RNF8: variants seen among roughly 807,000 people sequenced by gnomAD.
RNF8 encodes E3 ubiquitin-protein ligase RNF8.
RNF8 carries 8 observed loss-of-function variants against 59.3 expected under a neutral mutation model. That is an observed-to-expected ratio of 0.13 (90% CI 0.08 to 0.24). RNF8 has a LOEUF of 0.24. Ranked by LOEUF, RNF8 falls within the 10% of genes least tolerant of loss-of-function variation. The probability of loss-of-function intolerance (pLI) is 1.00; values close to 1 mark genes in which losing one functional copy is unlikely to be tolerated. For missense variants in RNF8, 406 were observed against 572.6 expected, an observed-to-expected ratio of 0.71 and a Z score of 2.97; for synonymous variants, 162 against 200.0, an observed-to-expected ratio of 0.81 and a Z score of 1.60.
chr6:37,385,304 C>T (rs940102529), intron 7 of RNF8, among the ~76,000 whole-genome samples: 6 of 151,554 alleles, frequency 4.0e-5, no homozygotes, highest in Non-Finnish European at 7.4e-5. Flanking sequence ...TGAGCCACCG[C>T]GCCTGGCTCT....
chr6:37,389,643 A>C (rs1770647399), intron 7 of RNF8, among the ~76,000 whole-genome samples: 1 of 151,994 alleles, frequency 6.6e-6, no homozygotes, highest in Admixed American at 6.6e-5. Flanking sequence ...CTCAGAAAGC[A>C]ATTAGTCTTT....
intron 3 of RNF8, 84 bp from the exon 4 acceptor site, chr6:37,371,428 T>C: frequency 9.2e-7 from 1 of 1,090,976 alleles, no homozygotes; most frequent in Non-Finnish European, 1.4e-6. Context: ...TCATACTAGC[T>C]GGTCTGCTCT....
chr6:37,368,478 C>G lies in RNF8; in HGVS notation c.241-6C>G. 1 of 1,614,106 alleles carries G rather than the reference C, an allele frequency of 6.2e-7. No individual in the cohort carries two copies. Among genetic ancestry groups the G allele is most frequent in the Non-Finnish European group, 8.5e-7 (1 of 1,179,998 alleles). On this transcript the variant is annotated splice_region_variant and splice_polypyrimidine_tract_variant and intron_variant, in intron 2 of 7. Coordinates refer to ENST00000373479, the MANE Select transcript of RNF8 (RefSeq NM_003958.4). ...GCTTATTTCTTCTTTCTTTCACTTT[C>G]CCCAGAGTCTAAATGGTGTTTGGCT...
intron 7 of RNF8, among the ~76,000 whole-genome samples, chr6:37,387,938 T>C (rs1770580264): frequency 6.6e-6 from 1 of 152,118 alleles, no homozygotes. Flanking sequence ...GCATTCAGCC[T>C]GGAAAAGTTG....
rs1490279084 is a variant in RNF8, at chr6:37,360,603, TTTTA to T, written c.240+33_240+36del. 3 of 1,567,692 alleles carry T rather than the reference TTTTA, an allele frequency of 1.9e-6. No homozygotes were observed. Among genetic ancestry groups the T allele is most frequent in the Middle Eastern group, 1.7e-4 (1 of 5,864 alleles). On this transcript the variant is annotated intron_variant, in intron 2 of 7. Coordinates refer to ENST00000373479, the MANE Select transcript of RNF8 (RefSeq NM_003958.4). The surrounding 1 kb of genome is among the most constrained non-coding windows in gnomAD (Gnocchi z 4.2). ...CAGGAATTCACAGAAGCCTAATGACTTTTATTTGTTTTTAAATTACTTTTTTTTT... is the reference window on the plus strand; with the variant it reads ...CAGGAATTCACAGAAGCCTAATGACTTTTGTTTTTAAATTACTTTTTTTTT...
rs946777226 is a variant in RNF8 at position 37,390,931 on chromosome 6, C to T, written c.*173C>T. 2.7e-5 allele frequency: 28 copies of T among 1,037,912 alleles called. No homozygotes were observed. In the African/African-American group the frequency reaches 4.1e-4, roughly 15 times the overall value. The allele number at this position is 1,037,912 out of a possible 1,614,324, so 64.3% of individuals were successfully genotyped here. On this transcript the variant is annotated 3_prime_UTR_variant, in exon 8 of 8. Transcript: ENST00000373479. The stretch of plus-strand genomic sequence containing the variant: ...CACTTGCCTTCCACGGTGGCCAGCC[C>T]TGCTGCCATCATTGGCTGAAGCACC...
At chr6:37,376,170 T>C (rs532187724) in intron 5 of RNF8, among the ~76,000 whole-genome samples, 1 of 152,342 alleles carries the variant, frequency 6.6e-6, no homozygotes, top group South Asian at 2.1e-4. Context: ...CAGTGAGTTT[T>C]TAATTGTTTG....
rs774755878 is a variant in RNF8 at position 37,374,652 on chromosome 6, C to A, written c.1071C>A (p.Ser357Arg). ...CTCTAATGGAAGAGCTAAATCGCAGCAAGAAGGACTTTGAAGCAATCATTC... is the reference window on the plus strand; with the variant it reads ...CTCTAATGGAAGAGCTAAATCGCAGAAAGAAGGACTTTGAAGCAATCATTC... The part of the protein sequence containing the change: ...HWALMEELNR[S>R]KKDFEAIIQA... Residue 357 changes from serine to arginine, a missense_variant, in exon 5 of 8, where the codon AGC becomes AGA. Around this residue, in one of 3 missense-constraint regions of RNF8, gnomAD observed 285 missense variants for 342.0 expected, o/e 0.83. Coordinates refer to ENST00000373479, the MANE Select transcript of RNF8 (RefSeq NM_003958.4). The A allele has an allele frequency of 1.9e-6, 3 of 1,614,024 alleles. No individual in the cohort carries two copies. The highest frequency in any genetic ancestry group is 2.5e-6 in the Non-Finnish European group (3 of 1,179,994).
intron 7 of RNF8, among the ~76,000 whole-genome samples, chr6:37,387,906 A>G (rs1377663673): frequency 1.3e-5 from 2 of 152,240 alleles, no homozygotes; most frequent in Non-Finnish European, 2.9e-5. Flanking sequence ...AGAGAAGTAC[A>G]GAGTGCTAGA....
At chr6:37,355,040 C>G (rs1769062638) in intron 1 of RNF8, among the ~76,000 whole-genome samples, 1 of 152,162 alleles carries the variant, frequency 6.6e-6, no homozygotes, top group African/African-American at 2.4e-5. Flanking sequence ...ATTCAGAGTT[C>G]TCTCCAGAGG....
chr6:37,354,627 C>T (rs1040186757), intron 1 of RNF8, among the ~76,000 whole-genome samples: 1 of 151,602 alleles, frequency 6.6e-6, no homozygotes, highest in African/African-American at 2.4e-5. Context: ...AAGCGGGCCC[C>T]GTCCAGAGAG....
chr6:37,360,558 C>T lies in RNF8; in HGVS notation c.224C>T (p.Thr75Ile). 6.2e-7 allele frequency: 1 copy of T among 1,612,818 alleles called. No homozygotes were observed. Residue 75 changes from threonine to isoleucine, a missense_variant, in exon 2 of 8, where the codon ACA (threonine) becomes ATA (isoleucine). Transcript: ENST00000373479. This position sits in a 1 kb window ranked among gnomAD's most constrained non-coding sequence, Gnocchi z 4.2. ...VLKQNPEGQWTIMDNKSLNGV... is the reference protein window; with the variant it reads ...VLKQNPEGQWIIMDNKSLNGV... ...AAGCAGAATCCTGAGGGCCAATGGACAATTATGGACAACAAGGTACAGGAA... is the reference window on the plus strand; with the variant it reads ...AAGCAGAATCCTGAGGGCCAATGGATAATTATGGACAACAAGGTACAGGAA...
chr6:37,385,109 G>A (rs897618703), intron 7 of RNF8, among the ~76,000 whole-genome samples: 13 of 151,804 alleles, frequency 8.6e-5, no homozygotes, highest in African/African-American at 2.7e-4. Flanking sequence ...CGCCTCCCGG[G>A]TTCAAGCAAT....
chr6:37,387,489 C>T (rs13216211), intron 7 of RNF8, among the ~76,000 whole-genome samples: 10,580 of 152,170 alleles, frequency 0.07, 416 homozygotes, highest in South Asian at 0.12. Context: ...TACAGGCGTG[C>T]GCCACCATGC....
chr6:37,369,188 G>T lies in RNF8; in HGVS notation c.945G>T (p.Lys315Asn), dbSNP rs1425646851. 1 of 1,612,450 alleles carries T rather than the reference G, an allele frequency of 6.2e-7. No individual in the cohort carries two copies. Among genetic ancestry groups the T allele is most frequent in the Non-Finnish European group, 8.5e-7 (1 of 1,179,298 alleles). Reference protein sequence around the residue: ...QQQARVEQLEKTFQEEEQHLQ... With the variant: ...QQQARVEQLENTFQEEEQHLQ... Reference sequence around the variant, plus strand: ...AGGCAAGAGTGGAGCAACTAGAGAAGACTTTCCAGGAAGAGGAACAGCATC... The same window carrying T: ...AGGCAAGAGTGGAGCAACTAGAGAATACTTTCCAGGAAGAGGAACAGCATC... Residue 315 changes from lysine (K) to asparagine (N), a missense_variant, in exon 3 of 8, where the codon AAG becomes AAT. Physicochemically the swap from Lys to Asn is moderately conservative, Grantham distance 94. Coordinates refer to ENST00000373479, the MANE Select transcript of RNF8 (RefSeq NM_003958.4).
chr6:37,388,287 A>G (rs1038396501), intron 7 of RNF8, among the ~76,000 whole-genome samples: 2 of 152,134 alleles, frequency 1.3e-5, no homozygotes, highest in African/African-American at 2.4e-5. Context: ...GTTTCTTTCT[A>G]TTGGGGCACC....
chr6:37,368,296 G>A (rs1353650624), intron 2 of RNF8, 188 bp from the exon 3 acceptor site: 11 of 1,418,530 alleles, frequency 7.8e-6, no homozygotes, highest in Admixed American at 2.0e-5. Context: ...TGAAATATAG[G>A]TAAAAAGCCA....
rs1770740950 is a variant in RNF8, at chr6:37,392,060, G to A, written c.*1302G>A. 1 of 162,264 alleles carries A rather than the reference G, an allele frequency of 6.2e-6. No homozygotes were observed. Among genetic ancestry groups the A allele is most frequent in the East Asian group, 1.8e-4 (1 of 5,708 alleles). The allele number at this position is 162,264 out of a possible 1,614,324, so 10.1% of individuals were successfully genotyped here. A position where few individuals can be genotyped will look rare whatever the true frequency, so the allele number is the denominator to read the frequency against. ...ATACTGTGAATTTTGGGATTCTGGA[G>A]TCCTTAGTCTTCATTTCCATTCTTC... On this transcript the variant is annotated 3_prime_UTR_variant, in exon 8 of 8. Transcript: ENST00000373479.
In RNF8 at chr6:37,390,745, A is replaced by C. The variant is rs111323785; in HGVS notation, c.1445A>C (p.Lys482Thr). The change falls in exon 8 of 8, where the codon AAG becomes ACG. Residue 482 changes from lysine to threonine, a missense_variant. Physicochemically the swap from Lys to Thr is moderately conservative, Grantham distance 78. This residue lies in a region of RNF8 where 59 missense variants were observed against 118.5 expected (regional missense o/e 0.50). Transcript: ENST00000373479. Reference sequence around the variant, plus strand: ...TTTCTCTTCTTTTTCTCCAAAGCAAAGAGATTGTTCTGAAGACCGTGCTCT... The same window carrying C: ...TTTCTCTTCTTTTTCTCCAAAGCAACGAGATTGTTCTGAAGACCGTGCTCT... ...RIVLIRERKAKRLF is the reference protein window; with the variant it reads ...RIVLIRERKATRLF 31 of 1,611,270 alleles carry C rather than the reference A, an allele frequency of 1.9e-5. 1 individual carries two copies. Among genetic ancestry groups the C allele is most frequent in the South Asian group, 8.8e-5 (8 of 90,990 alleles).
Sources: allele counts gnomAD v4.1 joint callset (sites outside exome capture counted in the v4.1 genomes callset), GRCh38; gene constraint gnomAD v4.1.1; regional missense constraint gnomAD v4.1.1; non-coding constraint Gnocchi (gnomAD v3.1); transcripts MANE v1.5; gene names NCBI Gene and HGNC (gene_info 2026-07-23, HGNC 2026-07-21).